The following COL22A1 variants were observed in gnomAD, a reference collection of about 807,000 sequenced individuals.
COL22A1 encodes the protein collagen type XXII alpha 1 chain.
COL22A1 carries 221 observed loss-of-function variants against 248.9 expected under a neutral mutation model. The ratio of observed to expected loss-of-function variants is 0.89; its 90% CI spans 0.80 to 0.99. The LOEUF (loss-of-function observed/expected upper bound fraction) is 0.99, where lower values mean the gene tolerates loss of function less well. COL22A1 is among the 50% of genes least tolerant of loss of function. COL22A1 has a pLI of 0.00. For missense variants in COL22A1, 2,240 were observed against 2,179.0 expected (o/e 1.03, Z -0.56); for synonymous variants, 891 against 793.4 (o/e 1.12, Z -2.07).
rs899476901 is a variant in COL22A1, at chr8:138,589,083, G to C, written c.*170C>G. On this transcript the variant is annotated 3_prime_UTR_variant, in exon 65 of 65. Coordinates refer to ENST00000303045, the MANE Select transcript of COL22A1 (RefSeq NM_152888.3). ...TCTGACCGACCGGCAGCGTCTGTTG[G>C]ATTTAATAATTTTGAGGTCTCTCAA... The C allele has an allele frequency of 2.4e-5, 15 of 624,812 alleles. No homozygotes were observed. The highest frequency in any genetic ancestry group is 3.9e-5 in the Non-Finnish European group (14 of 355,404). 38.7% of individuals were successfully genotyped at this position (624,812 alleles called of 1,614,324 possible).
In COL22A1 at chr8:138,628,989, G is replaced by A. The variant is rs188524698; in HGVS notation, c.3663+1706C>T. ...ACAGCCAGGCTGATCTTGAACTCCT[G>A]ACCTCAAGTGTTCCTCCTGCCTTGG... is the stretch of plus-strand genomic sequence containing the variant. On this transcript the variant is annotated intron_variant, in intron 50 of 64. Transcript: ENST00000303045. Among the ~76,000 whole-genome samples, 699 of 139,758 alleles carry A rather than the reference G, an allele frequency of 5.0e-3. 4 individuals carry two copies. Among genetic ancestry groups the A allele is most frequent in the African/African-American group, 0.017 (629 of 36,476 alleles). The allele number at this position is 139,758 out of a possible 152,430, so 91.7% of individuals were successfully genotyped here.
chr8:138,611,566 C>T (rs961674452), intron 56 of COL22A1, among the ~76,000 whole-genome samples: 3 of 152,172 alleles, frequency 2.0e-5, no homozygotes, highest in South Asian at 2.1e-4. Flanking sequence ...CTAATCTCTC[C>T]GTATGAAGTT....
At chr8:138,766,804 C>T (rs1055993993) in intron 16 of COL22A1, among the ~76,000 whole-genome samples, 10 of 152,208 alleles carry the variant, frequency 6.6e-5, no homozygotes, top group Non-Finnish European at 1.2e-4. Flanking sequence ...TGGAACCATG[C>T]CATAGTGTGG....
At chr8:138,746,240 G>T (rs570453441) in intron 22 of COL22A1, among the ~76,000 whole-genome samples, 1 of 152,164 alleles carries the variant, frequency 6.6e-6, no homozygotes, top group Non-Finnish European at 1.5e-5. Context: ...CCATGCCCAG[G>T]TTCCAGCCTG....
At chr8:138,607,720 G>T (rs141409000) in intron 57 of COL22A1, among the ~76,000 whole-genome samples, 1 of 152,032 alleles carries the variant, frequency 6.6e-6, no homozygotes, top group African/African-American at 2.4e-5. Flanking sequence ...AGATGCCTAC[G>T]GTTATAGTCA....
chr8:138,677,386 T>C (rs1188035904), intron 40 of COL22A1, among the ~76,000 whole-genome samples: 1 of 152,220 alleles, frequency 6.6e-6, no homozygotes. Context: ...CTAGGAGTTG[T>C]GTTTGCTTCT....
intron 22 of COL22A1, among the ~76,000 whole-genome samples, chr8:138,750,926 G>A (rs1304993163): frequency 3.9e-5 from 6 of 152,064 alleles, no homozygotes; most frequent in African/African-American, 9.7e-5. Context: ...CAGAAAGTAC[G>A]GCATTGTTTC....
At chr8:138,625,461 C>G (rs1350260283) in intron 51 of COL22A1, among the ~76,000 whole-genome samples, 1 of 152,286 alleles carries the variant, frequency 6.6e-6, no homozygotes, top group East Asian at 1.9e-4. Context: ...GTGCAGAAGG[C>G]AGTGCATGGC....
intron 23 of COL22A1, among the ~76,000 whole-genome samples, chr8:138,730,852 G>A (rs1830657852): frequency 6.6e-6 from 1 of 151,922 alleles, no homozygotes; most frequent in Non-Finnish European, 1.5e-5. Context: ...GGAAGCCACA[G>A]GAGGATGGAG....
intron 1 of COL22A1, among the ~76,000 whole-genome samples, chr8:138,893,883 C>G (rs1005194269): frequency 1.3e-5 from 2 of 152,160 alleles, no homozygotes; most frequent in Non-Finnish European, 2.9e-5. Flanking sequence ...GCTGAGTGGA[C>G]AAGCACCTAA....
intron 22 of COL22A1, among the ~76,000 whole-genome samples, chr8:138,749,763 C>T (rs1879044): frequency 0.027 from 4,153 of 152,228 alleles, 211 homozygotes; most frequent in East Asian, 0.22. Context: ...GTTCTGAAGC[C>T]CAGGATCCTT....
At chr8:138,596,217 C>T (rs138243994) in intron 62 of COL22A1, among the ~76,000 whole-genome samples, 103 of 152,346 alleles carry the variant, frequency 6.8e-4, no homozygotes, top group African/African-American at 2.3e-3. Context: ...GCATCTGCTA[C>T]GCACAGGCAC....
chr8:138,872,977 A>T (rs1406038482), intron 3 of COL22A1, among the ~76,000 whole-genome samples: 1 of 152,208 alleles, frequency 6.6e-6, no homozygotes, highest in East Asian at 1.9e-4. Flanking sequence ...TCAGTCATTC[A>T]TTCAACAAAC....
At chr8:138,625,323 A>G (rs941582054) in intron 51 of COL22A1, among the ~76,000 whole-genome samples, 5 of 151,950 alleles carry the variant, frequency 3.3e-5, no homozygotes, top group Admixed American at 2.0e-4. Flanking sequence ...GCATTCTGGG[A>G]ATCAAAAAAA....
intron 2 of COL22A1, among the ~76,000 whole-genome samples, chr8:138,881,616 C>T (rs1229499762): frequency 6.6e-6 from 1 of 152,188 alleles, no homozygotes; most frequent in African/African-American, 2.4e-5. Flanking sequence ...ACCCGGGAGG[C>T]GGAGCTTGCA....
chr8:138,715,800 A>G, intron 29 of COL22A1, 65 bp from the exon 30 acceptor site: 2 of 1,153,860 alleles, frequency 1.7e-6, no homozygotes, highest in East Asian at 2.3e-5. Context: ...TGCCTCTTCA[A>G]GGTAAGAGCA....
intron 44 of COL22A1, 67 bp downstream of exon 44, chr8:138,660,369 G>A: frequency 7.2e-7 from 1 of 1,396,194 alleles, no homozygotes; most frequent in South Asian, 1.2e-5. Flanking sequence ...TTTCTGAGTT[G>A]CATTTTTTCT....
At chr8:138,847,284 G>A (rs922260490) in intron 3 of COL22A1, among the ~76,000 whole-genome samples, 1 of 152,200 alleles carries the variant, frequency 6.6e-6, no homozygotes, top group Non-Finnish European at 1.5e-5. Context: ...ACTGACTGGT[G>A]GAATGGGGAG....
At chr8:138,716,731 A>AT (rs1829462869) in intron 28 of COL22A1, 94 bp downstream of exon 28, 30 of 942,138 alleles carry the variant, frequency 3.2e-5, no homozygotes, top group South Asian at 4.2e-5. Context: ...ACCAGGATTA[A>AT]TTCCTCTTGG....
Sources: allele counts gnomAD v4.1 joint callset (sites outside exome capture counted in the v4.1 genomes callset), GRCh38; gene constraint gnomAD v4.1.1; transcripts MANE v1.5; gene names NCBI Gene and HGNC (gene_info 2026-07-23, HGNC 2026-07-21).